Variants in ASIC2 observed in about 807,000 individuals in gnomAD.
ASIC2 encodes acid-sensing ion channel 2.
ASIC2 carries 25 observed loss-of-function variants against 57.3 expected under a neutral mutation model. The observed-to-expected ratio is 0.44, with a 90% CI of 0.32 to 0.61. The LOEUF is 0.61. Among genes scored for constraint, ASIC2 ranks in the 20% least tolerant of loss-of-function variants. The pLI is 0.06. For missense variants in ASIC2, 641 were observed against 738.1 expected, an observed-to-expected ratio of 0.87 and a Z score of 1.52; for synonymous variants, 319 against 307.5, an observed-to-expected ratio of 1.04 and a Z score of -0.39.
intron 1 of ASIC2, among the ~76,000 whole-genome samples, chr17:33,830,686 G>C (rs1913077832): frequency 6.6e-6 from 1 of 151,906 alleles, no homozygotes; most frequent in Non-Finnish European, 1.5e-5. Flanking sequence ...CACGCATTAG[G>C]TATTCATCCT....
chr17:33,097,904 G>T (rs2092189957), intron 2 of ASIC2, among the ~76,000 whole-genome samples: 1 of 152,200 alleles, frequency 6.6e-6, no homozygotes, highest in Admixed American at 6.5e-5. Context: ...GAGAAATCCA[G>T]GGAAAGCCCA....
chr17:33,760,076 G>C (rs1910735166), intron 1 of ASIC2, among the ~76,000 whole-genome samples: 1 of 151,944 alleles, frequency 6.6e-6, no homozygotes, highest in African/African-American at 2.4e-5. Context: ...GCAACAAAAA[G>C]CAAACTAAGA....
At chr17:33,949,275 G>A (rs563455327) in intron 1 of ASIC2, among the ~76,000 whole-genome samples, 31 of 152,210 alleles carry the variant, frequency 2.0e-4, no homozygotes, top group African/African-American at 6.0e-4. Flanking sequence ...GGGCACGAGC[G>A]AGAACTGGTC....
chr17:33,122,326 C>T (rs2092305676), intron 1 of ASIC2, among the ~76,000 whole-genome samples: 1 of 152,146 alleles, frequency 6.6e-6, no homozygotes, highest in South Asian at 2.1e-4. Context: ...CGGTGGAGCA[C>T]ATCTTAGTCT....
intron 2 of ASIC2, among the ~76,000 whole-genome samples, chr17:33,091,044 G>A (rs572249173): frequency 2.0e-5 from 3 of 152,330 alleles, no homozygotes; most frequent in South Asian, 4.1e-4. Flanking sequence ...CTGGAAGCCT[G>A]TGGCTTTGTG....
At chr17:34,125,759 G>C (rs1371547448) in intron 1 of ASIC2, among the ~76,000 whole-genome samples, 1 of 152,238 alleles carries the variant, frequency 6.6e-6, no homozygotes, top group Non-Finnish European at 1.5e-5. Context: ...TTGTGGGATT[G>C]TGTTCTCATG....
intron 1 of ASIC2, among the ~76,000 whole-genome samples, chr17:33,257,521 T>C (rs767957263): frequency 1.3e-5 from 2 of 152,172 alleles, no homozygotes; most frequent in Admixed American, 6.5e-5. Flanking sequence ...ACACAGCATG[T>C]TAGTTTCAGG....
chr17:33,874,102 C>T (rs778045892), intron 1 of ASIC2, among the ~76,000 whole-genome samples: 1 of 152,228 alleles, frequency 6.6e-6, no homozygotes, highest in African/African-American at 2.4e-5. Context: ...AATTGCACTA[C>T]TCAACTTCAC....
intron 1 of ASIC2, among the ~76,000 whole-genome samples, chr17:33,996,269 G>A (rs1256505796): frequency 3.3e-5 from 5 of 152,000 alleles, no homozygotes; most frequent in Non-Finnish European, 5.9e-5. Flanking sequence ...TCAGATGTAT[G>A]GTTTGCAAAT....
At chr17:33,632,123 C>T (rs1597814359) in intron 1 of ASIC2, among the ~76,000 whole-genome samples, 1 of 152,188 alleles carries the variant, frequency 6.6e-6, no homozygotes, top group Non-Finnish European at 1.5e-5. Flanking sequence ...CAACTAACCT[C>T]TCTGAGTCTC....
chr17:33,398,789 T>C (rs909119399), intron 1 of ASIC2, among the ~76,000 whole-genome samples: 21 of 152,180 alleles, frequency 1.4e-4, no homozygotes, highest in African/African-American at 4.8e-4. Flanking sequence ...TTTAAAGTGA[T>C]GAAGTGACTT....
chr17:33,303,850 A>G (rs1462141630), intron 1 of ASIC2, among the ~76,000 whole-genome samples: 1 of 152,192 alleles, frequency 6.6e-6, no homozygotes, highest in Non-Finnish European at 1.5e-5. Flanking sequence ...AAGACACAAC[A>G]TTAGATTCAA....
intron 1 of ASIC2, among the ~76,000 whole-genome samples, chr17:33,363,924 TC>T (rs1908709441): frequency 6.6e-6 from 1 of 152,166 alleles, no homozygotes; most frequent in South Asian, 2.1e-4. Context: ...GCAGCCAGCC[TC>T]CCGGAGACAG....
At position 33,046,016 on chromosome 17, in the gene ASIC2, C is replaced by A. The variant is rs115615270; in HGVS notation, c.988-17624G>T. On this transcript the variant is annotated intron_variant, in intron 3 of 9. Coordinates refer to ENST00000225823, the MANE Select transcript of ASIC2 (RefSeq NM_183377.2). Reference sequence around the variant, plus strand: ...CATATGGACTAAGGTGTGAATGAAGCCTCCAGAGAGTGCACAGGCGCAGCC... The same window carrying A: ...CATATGGACTAAGGTGTGAATGAAGACTCCAGAGAGTGCACAGGCGCAGCC... Among the ~76,000 whole-genome samples the A allele has an allele frequency of 9.7e-3, 1,473 of 152,304 alleles. 26 individuals carry two copies. Among genetic ancestry groups the A allele is most frequent in the African/African-American group, 0.033 (1,382 of 41,568 alleles).
At chr17:33,852,531 T>A (rs1465003882) in intron 1 of ASIC2, among the ~76,000 whole-genome samples, 1 of 151,856 alleles carries the variant, frequency 6.6e-6, no homozygotes, top group Admixed American at 6.6e-5. Context: ...AATCCACATG[T>A]AAGTCCCATC....
At chr17:33,656,288 G>A (rs1224303479) in intron 1 of ASIC2, among the ~76,000 whole-genome samples, 2 of 152,090 alleles carry the variant, frequency 1.3e-5, no homozygotes, top group African/African-American at 4.8e-5. Flanking sequence ...GAGAGAGAAA[G>A]AGAATCAGAT....
At chr17:34,130,653 T>C (rs1227363265) in intron 1 of ASIC2, among the ~76,000 whole-genome samples, 1 of 152,232 alleles carries the variant, frequency 6.6e-6, no homozygotes, top group African/African-American at 2.4e-5. Flanking sequence ...TTCCCTTCCA[T>C]GATGCTTCTC....
intron 1 of ASIC2, among the ~76,000 whole-genome samples, chr17:33,250,667 A>G (rs1908850198): frequency 6.6e-6 from 1 of 152,234 alleles, no homozygotes. Flanking sequence ...AAACATTCTT[A>G]TTAAACAGAA....
intron 1 of ASIC2, among the ~76,000 whole-genome samples, chr17:33,721,375 T>C (rs1191138561): frequency 6.6e-6 from 1 of 152,202 alleles, no homozygotes. Context: ...CCTTGAACAA[T>C]GAAATATGAT....
Sources: allele counts gnomAD v4.1 joint callset (sites outside exome capture counted in the v4.1 genomes callset), GRCh38; gene constraint gnomAD v4.1.1; transcripts MANE v1.5; gene names NCBI Gene and HGNC (gene_info 2026-07-23, HGNC 2026-07-21).